Variants in AP5Z1 observed in about 807,000 individuals in gnomAD.
AP5Z1 encodes AP-5 complex subunit zeta-1.
In AP5Z1, 106 loss-of-function variants were observed where a neutral mutation model predicts 83.0. The observed-to-expected ratio is 1.28, with a 90% CI of 1.09 to 1.50. The LOEUF is 1.50. Among genes scored for constraint, AP5Z1 ranks in the 40% most tolerant of loss-of-function variants. The pLI is 0.00. For missense variants in AP5Z1, 1,565 were observed against 1,094.2 expected (o/e 1.43, Z -6.07); for synonymous variants, 751 against 514.1 (o/e 1.46, Z -6.23).
intron 14 of AP5Z1, 196 bp from the exon 15 acceptor site, chr7:4,790,263 G>C (rs367778885): frequency 6.5e-7 from 1 of 1,543,496 alleles, no homozygotes; most frequent in Non-Finnish European, 8.7e-7. Context: ...CTGGGCCTGA[G>C]GCCAGCGCTG....
At chr7:4,784,788 T>C in intron 6 of AP5Z1, 120 bp from the exon 7 acceptor site, 1 of 1,360,792 alleles carries the variant, frequency 7.3e-7, no homozygotes, top group East Asian at 2.6e-5. Flanking sequence ...CGGTGACGCC[T>C]CACGCCTCCC....
At position 4,789,850 on chromosome 7, in the gene AP5Z1, A is replaced by T. The variant is rs1451285479; in HGVS notation, c.1726A>T (p.Ile576Phe). 2 of 1,552,308 alleles carry T rather than the reference A, an allele frequency of 1.3e-6. No homozygotes were observed. The highest frequency in any genetic ancestry group is 2.4e-5 in the South Asian group (2 of 84,150). The stretch of plus-strand genomic sequence containing the variant: ...CCCCCAGGTGGCTGACGGGTCCCTG[A>T]TCAACCAGCTGGCGCTGCTGCTCCT... Reference protein sequence around the residue: ...AVTQVADGSLINQLALLLLGR... With the variant: ...AVTQVADGSLFNQLALLLLGR... Residue 576 changes from isoleucine (I) to phenylalanine (F), a missense_variant, in exon 14 of 17, where the codon ATC becomes TTC. Ile to Phe is a conservative substitution (Grantham distance 21, BLOSUM62 0). Coordinates refer to ENST00000649063, the MANE Select transcript of AP5Z1 (RefSeq NM_014855.3).
In AP5Z1 at chr7:4,790,450, T is replaced by C. The variant is rs752692522; in HGVS notation, c.1806-9T>C. The C allele has an allele frequency of 1.2e-6, 2 of 1,613,052 alleles. No homozygotes were observed. Among genetic ancestry groups the C allele is most frequent in the Non-Finnish European group, 1.7e-6 (2 of 1,179,850 alleles). On this transcript the variant is annotated splice_polypyrimidine_tract_variant and intron_variant, in intron 14 of 16. Transcript: ENST00000649063. ...CACAGAGCAGGCGTAGACCCGGCTT[T>C]CTGGGCAGTGTGCTGAGTTCTCAGT... is the stretch of plus-strand genomic sequence containing the variant.
rs989725968 is a variant in AP5Z1, at chr7:4,784,940, T to G, written c.823T>G (p.Ser275Ala). ...DRSEQEGSTL[S>A]VISATSSAGR... Reference sequence around the variant, plus strand: ...GTCAGAGCAGGAGGGCTCCACTCTGTCGGTGATCTCCGCCACCTCCTCTGC... The same window carrying G: ...GTCAGAGCAGGAGGGCTCCACTCTGGCGGTGATCTCCGCCACCTCCTCTGC... Residue 275 changes from serine (S) to alanine (A), a missense_variant, in exon 7 of 17, where the codon TCG becomes GCG. Ser to Ala is a moderately conservative substitution (Grantham distance 99). Transcript: ENST00000649063. 6.2e-7 allele frequency: 1 copy of G among 1,611,972 alleles called. No homozygotes were observed. The highest frequency in any genetic ancestry group is 1.3e-5 in the African/African-American group (1 of 75,026).
Position 4,788,252 on chromosome 7 carries a change from T to G in AP5Z1, c.1553T>G (p.Phe518Cys). 2 of 1,588,362 alleles carry G rather than the reference T, an allele frequency of 1.3e-6. No individual in the cohort carries two copies. Among genetic ancestry groups the G allele is most frequent in the East Asian group, 4.6e-5 (2 of 43,618 alleles). Residue 518 changes from phenylalanine to cysteine, a missense_variant, in exon 12 of 17, where the codon TTC becomes TGC. Phe to Cys is a radical substitution (Grantham distance 205). Transcript: ENST00000649063. ...AFRDPQFQGLFQYLLRPKASG... is the reference protein window; with the variant it reads ...AFRDPQFQGLCQYLLRPKASG... Reference sequence around the variant, plus strand: ...CGGGACCCGCAGTTCCAGGGTCTTTTCCAATACCTGCTGCGCCCCAAGGCC... The same window carrying G: ...CGGGACCCGCAGTTCCAGGGTCTTTGCCAATACCTGCTGCGCCCCAAGGCC...
At chr7:4,788,474 G>A (rs1781631440) in intron 12 of AP5Z1, 180 bp downstream of exon 12, 2 of 789,436 alleles carry the variant, frequency 2.5e-6, no homozygotes, top group African/African-American at 1.8e-5. Context: ...TCTGCCGGGG[G>A]CGGGGCCTGG....
In AP5Z1 at chr7:4,791,200, A is replaced by C. The variant is rs762894286; in HGVS notation, c.2239A>C (p.Ile747Leu). 28 of 1,612,266 alleles carry C rather than the reference A, an allele frequency of 1.7e-5. No homozygotes were observed. The highest frequency in any genetic ancestry group is 2.2e-5 in the Non-Finnish European group (26 of 1,179,700). ...GCACAGCGAGGAGGGCGCGGAAGCCATCCGTACCCGGGCCACAGAGCTGCT... is the reference window on the plus strand; with the variant it reads ...GCACAGCGAGGAGGGCGCGGAAGCCCTCCGTACCCGGGCCACAGAGCTGCT... ...STHSEEGAEA[I>L]RTRATELLTL... Residue 747 changes from isoleucine (I) to leucine (L), a missense_variant, in exon 17 of 17, where the codon ATC (isoleucine) becomes CTC (leucine). Physicochemically the swap from Ile to Leu is conservative, Grantham distance 5. Coordinates refer to ENST00000649063, the MANE Select transcript of AP5Z1 (RefSeq NM_014855.3).
At position 4,791,611 on chromosome 7, in the gene AP5Z1, G is replaced by C. The variant is rs1459814750; in HGVS notation, c.*226G>C. Reference sequence around the variant, plus strand: ...CCCAGGCAACACTGAGCTGAGCTGAGGGGTGCCATGGAGCGGCTCTGATTG... The same window carrying C: ...CCCAGGCAACACTGAGCTGAGCTGACGGGTGCCATGGAGCGGCTCTGATTG... On this transcript the variant is annotated 3_prime_UTR_variant, in exon 17 of 17. Transcript: ENST00000649063. The C allele has an allele frequency of 1.1e-5, 7 of 643,164 alleles. No homozygotes were observed. The South Asian group carries it at 1.7e-4, about 15-fold the overall frequency. The allele number at this position is 643,164 out of a possible 1,614,324, so 39.8% of individuals were successfully genotyped here. A position where few individuals can be genotyped will look rare whatever the true frequency, so the allele number is the denominator to read the frequency against.
chr7:4,787,006 A>G (rs1430645845), intron 10 of AP5Z1, among the ~76,000 whole-genome samples: 3 of 151,904 alleles, frequency 2.0e-5, no homozygotes, highest in African/African-American at 7.2e-5. Flanking sequence ...TCCTGACCTC[A>G]GATGATCCTC....
intron 3 of AP5Z1, 96 bp downstream of exon 3, chr7:4,781,850 T>C: frequency 7.3e-7 from 1 of 1,373,966 alleles, no homozygotes; most frequent in Non-Finnish European, 9.6e-7. Context: ...GGCAGGTGGC[T>C]GCTTGTTGTA....
Position 4,783,762 on chromosome 7 carries a change from C to T in AP5Z1, c.585C>T (p.His195=). The change falls in exon 5 of 17, where the codon CAC becomes CAT. Residue 195 remains histidine (H), a synonymous_variant. Transcript: ENST00000649063. ...CCAGCCTCCAGCAAGGGCTCCCACA[C>T]TCCGGCGGCTTCTTCTCCACGCCCA... ...RYASLQQGLP[H]SGGFFSTPRA... 1.3e-6 allele frequency: 2 copies of T among 1,550,606 alleles called. No individual in the cohort carries two copies. Among genetic ancestry groups the T allele is most frequent in the South Asian group, 1.2e-5 (1 of 84,086 alleles).
rs1161467925 is a variant in AP5Z1, at chr7:4,790,863, C to G, written c.2129C>G (p.Ser710Cys). The change falls in exon 16 of 17, where the codon TCC becomes TGC. Residue 710 changes from serine to cysteine, a missense_variant. Transcript: ENST00000649063. ...ATGACCACGCTGACGAAGCTGGCCT[C>G]CCGGAGCCAAGATCTGATCCCCAGG... is the stretch of plus-strand genomic sequence containing the variant. ...VLMTTLTKLA[S>C]RSQDLIPRAS... The G allele has an allele frequency of 1.9e-6, 3 of 1,606,272 alleles. No homozygotes were observed. The highest frequency in any genetic ancestry group is 1.7e-4 in the Middle Eastern group (1 of 6,040).
At chr7:4,788,757 G>C in intron 12 of AP5Z1, 83 bp from the exon 13 acceptor site, 1 of 1,232,456 alleles carries the variant, frequency 8.1e-7, no homozygotes, top group Non-Finnish European at 1.1e-6. Flanking sequence ...AGCTGTGCGA[G>C]AGGGAGCAGT....
At chr7:4,788,517 C>T (rs1208905658) in intron 12 of AP5Z1, 2 of 586,660 alleles carry the variant, frequency 3.4e-6, no homozygotes, top group African/African-American at 1.9e-5. Context: ...CATCAACCCT[C>T]ATAAGCTTGG....
Position 4,785,065 on chromosome 7 carries a change from G to C in AP5Z1, c.931+17G>C. On this transcript the variant is annotated intron_variant, in intron 7 of 16. Coordinates refer to ENST00000649063, the MANE Select transcript of AP5Z1 (RefSeq NM_014855.3). ...GTAACCGACGTGAGTCCCCCACCCA[G>C]GGCACTGGCCTCCCCAGGGCTCGAC... 2 of 1,583,326 alleles carry C rather than the reference G, an allele frequency of 1.3e-6. No individual in the cohort carries two copies. The highest frequency in any genetic ancestry group is 1.1e-5 in the South Asian group (1 of 87,210).
At position 4,784,366 on chromosome 7, in the gene AP5Z1, A is replaced by T; in HGVS notation, c.785A>T (p.Asp262Val). The part of the protein sequence containing the change: ...HSGPEGPGTL[D>V]TDDRSEQEGS... ...GGCCCCGAGGGCCCGGGCACCCTGG[A>T]CACAGGTGTGCGGGGTGGGGGGATG... Residue 262 changes from aspartate (D) to valine (V), a missense_variant, in exon 6 of 17, where the codon GAC becomes GTC. By Grantham distance (152) the Asp-to-Val change is radical. Transcript: ENST00000649063. 4 of 1,593,148 alleles carry T rather than the reference A, an allele frequency of 2.5e-6. No individual in the cohort carries two copies. The highest frequency in any genetic ancestry group is 3.4e-6 in the Non-Finnish European group (4 of 1,172,204).
Position 4,791,420 on chromosome 7 carries a change from G to C in AP5Z1, c.*35G>C. The C allele has an allele frequency of 1.9e-6, 3 of 1,567,540 alleles. 1 individual carries two copies. Among genetic ancestry groups the C allele is most frequent in the South Asian group, 2.3e-5 (2 of 85,714 alleles). On this transcript the variant is annotated 3_prime_UTR_variant, in exon 17 of 17. Coordinates refer to ENST00000649063, the MANE Select transcript of AP5Z1 (RefSeq NM_014855.3). Reference sequence around the variant, plus strand: ...GGCCAGGGACTTCGGTGCAGATTAAGAGCCTGGGCAGCCAGCTTGCTACTG... The same window carrying C: ...GGCCAGGGACTTCGGTGCAGATTAACAGCCTGGGCAGCCAGCTTGCTACTG...
rs765717508 is a variant in AP5Z1, at chr7:4,785,685, G to A, written c.1132+1G>A. The A allele has an allele frequency of 2.6e-6, 4 of 1,527,450 alleles. No individual in the cohort carries two copies. The highest frequency in any genetic ancestry group is 1.8e-6 in the Non-Finnish European group (2 of 1,135,802). The allele number at this position is 1,527,450 out of a possible 1,614,324, so 94.6% of individuals were successfully genotyped here. A position where few individuals can be genotyped will look rare whatever the true frequency, so the allele number is the denominator to read the frequency against. On this transcript the variant is annotated splice_donor_variant, in intron 9 of 16. Coordinates refer to ENST00000649063, the MANE Select transcript of AP5Z1 (RefSeq NM_014855.3). LOFTEE classifies it high-confidence loss of function. ...CTCGCCCACTTCTTCCTGAGCCACG[G>A]TGAGCCCAGGGTGGGGTGGCGCTGA...
In AP5Z1 at chr7:4,791,418, A is replaced by G. The variant is rs566873635; in HGVS notation, c.*33A>G. 1.9e-6 allele frequency: 3 copies of G among 1,571,676 alleles called. No homozygotes were observed. The highest frequency in any genetic ancestry group is 2.3e-5 in the South Asian group (2 of 86,192). The stretch of plus-strand genomic sequence containing the variant: ...GTGGCCAGGGACTTCGGTGCAGATT[A>G]AGAGCCTGGGCAGCCAGCTTGCTAC... On this transcript the variant is annotated 3_prime_UTR_variant, in exon 17 of 17. Coordinates refer to ENST00000649063, the MANE Select transcript of AP5Z1 (RefSeq NM_014855.3).
Sources: allele counts gnomAD v4.1 joint callset (sites outside exome capture counted in the v4.1 genomes callset), GRCh38; gene constraint gnomAD v4.1.1; transcripts MANE v1.5; gene names NCBI Gene and HGNC (gene_info 2026-07-23, HGNC 2026-07-21).